The following PDE4D variants were observed in gnomAD, a reference collection of about 807,000 sequenced individuals.
PDE4D encodes 3',5'-cyclic-AMP phosphodiesterase 4D.
In PDE4D, 24 loss-of-function variants were observed where a neutral mutation model predicts 87.4. The ratio of observed to expected loss-of-function variants is 0.27; its 90% confidence interval spans 0.20 to 0.39. The LOEUF (loss-of-function observed/expected upper bound fraction) is 0.39. Among genes scored for constraint, PDE4D ranks in the 10% least tolerant of loss-of-function variants. The pLI, the probability that PDE4D is intolerant of heterozygous loss-of-function variation, is 1.00. For missense variants in PDE4D, 714 were observed against 1,041.0 expected (o/e 0.69, Z 4.32); for synonymous variants, 384 against 383.2 (o/e 1.00, Z -0.02).
At chr5:59,605,433 GTTC>G (rs375882900) in intron 1 of PDE4D, among the ~76,000 whole-genome samples, 239 of 152,092 alleles carry the variant, frequency 1.6e-3, no homozygotes, top group African/African-American at 5.1e-3. Flanking sequence ...ACACAATTTT[GTTC>G]TTAAGTCTCT....
At chr5:59,156,249 G>A (rs1377641400) in intron 5 of PDE4D, among the ~76,000 whole-genome samples, 2 of 149,452 alleles carry the variant, frequency 1.3e-5, no homozygotes, top group Non-Finnish European at 3.0e-5. Flanking sequence ...CAGAGGGAGA[G>A]GTTAGGAGAA....
chr5:59,817,539 A>T (rs573086370), intron 1 of PDE4D, among the ~76,000 whole-genome samples: 1 of 152,212 alleles, frequency 6.6e-6, no homozygotes, highest in South Asian at 2.1e-4. Flanking sequence ...GTTCCCATCA[A>T]TTCATATATT....
chr5:60,364,131 T>C (rs1054012637), intron 1 of PDE4D, among the ~76,000 whole-genome samples: 2 of 152,208 alleles, frequency 1.3e-5, no homozygotes, highest in Admixed American at 6.5e-5. Flanking sequence ...CTACCAGGAA[T>C]TCACCCAGGC....
chr5:60,317,790 G>T (rs1755780606), intron 1 of PDE4D, among the ~76,000 whole-genome samples: 1 of 152,204 alleles, frequency 6.6e-6, no homozygotes, highest in South Asian at 2.1e-4. Context: ...CCATGTAGTT[G>T]TGCAGTTTTG....
intron 1 of PDE4D, among the ~76,000 whole-genome samples, chr5:59,704,815 T>C (rs559348098): frequency 6.6e-6 from 1 of 152,228 alleles, no homozygotes; most frequent in South Asian, 2.1e-4. Flanking sequence ...AATGTAGACA[T>C]AAAAGTATCA....
At chr5:59,107,120 T>C (rs1164241206) in intron 5 of PDE4D, among the ~76,000 whole-genome samples, 3 of 152,194 alleles carry the variant, frequency 2.0e-5, no homozygotes, top group East Asian at 1.9e-4. Flanking sequence ...TGTGTGTGTG[T>C]GCTTGTGTGT....
intron 1 of PDE4D, among the ~76,000 whole-genome samples, chr5:59,324,977 C>A (rs1322254895): frequency 6.6e-6 from 1 of 152,122 alleles, no homozygotes; most frequent in Non-Finnish European, 1.5e-5. Flanking sequence ...AATGTGGCAT[C>A]ATATAGAGAA....
chr5:59,502,908 CTT>C (rs60143243), intron 1 of PDE4D, among the ~76,000 whole-genome samples: 30,660 of 130,946 alleles, frequency 0.23, 4,617 homozygotes, highest in African/African-American at 0.46. Flanking sequence ...GATTAGAAGG[CTT>C]TTTTTTTTTT....
intron 2 of PDE4D, among the ~76,000 whole-genome samples, chr5:60,086,653 T>A (rs1009036908): frequency 6.6e-6 from 1 of 152,214 alleles, no homozygotes; most frequent in African/African-American, 2.4e-5. Context: ...TTGCAATAAT[T>A]CCATCTGCTG....
At chr5:60,167,358 C>G (rs1783019035) in intron 2 of PDE4D, among the ~76,000 whole-genome samples, 1 of 150,196 alleles carries the variant, frequency 6.7e-6, no homozygotes. Context: ...GGCTCCGCCC[C>G]CTGGGGTTCA....
chr5:59,960,616 A>G (rs569897027), intron 3 of PDE4D, among the ~76,000 whole-genome samples: 15 of 152,314 alleles, frequency 9.8e-5, no homozygotes, highest in African/African-American at 3.4e-4. Flanking sequence ...ACAGCAAACC[A>G]AATGTTGCAT....
chr5:58,976,876 G>GA (rs1361405150), intron 12 of PDE4D, among the ~76,000 whole-genome samples: 1 of 152,124 alleles, frequency 6.6e-6, no homozygotes, highest in Non-Finnish European at 1.5e-5. Flanking sequence ...AAAAGGTGGG[G>GA]AAAAAATCCA....
intron 1 of PDE4D, among the ~76,000 whole-genome samples, chr5:59,237,732 G>C (rs1756753850): frequency 6.6e-6 from 1 of 150,818 alleles, no homozygotes; most frequent in Non-Finnish European, 1.5e-5. Flanking sequence ...ATCTGTCTGA[G>C]CTTCCCTTTC....
At chr5:59,749,352 C>T (rs958315606) in intron 1 of PDE4D, among the ~76,000 whole-genome samples, 1 of 152,136 alleles carries the variant, frequency 6.6e-6, no homozygotes, top group Non-Finnish European at 1.5e-5. Context: ...CCTCTGCCTC[C>T]TGGGTTCAAG....
chr5:59,601,615 A>G (rs1193955153), intron 1 of PDE4D, among the ~76,000 whole-genome samples: 1 of 152,050 alleles, frequency 6.6e-6, no homozygotes, highest in Non-Finnish European at 1.5e-5. Flanking sequence ...GTTCCAGCTC[A>G]CTGAAATAGG....
Position 60,386,575 on chromosome 5 carries a change from C to G in PDE4D, c.-90+101367G>C, listed in dbSNP as rs556273850. 1.2e-4 allele frequency among the ~76,000 whole-genome samples: 18 copies of G among 152,314 alleles called. No individual in the cohort carries two copies. In the South Asian group the frequency reaches 3.5e-3, roughly 30 times the overall value. On this transcript the variant is annotated intron_variant, in intron 1 of 16. Transcript: ENST00000502484. ...CCGTTCCTCTGCAGGGGGGTTCTGC[C>G]AGCTCCAGCACTGATGGGCAGAAAG...
intron 1 of PDE4D, among the ~76,000 whole-genome samples, chr5:59,305,362 A>AT (rs1316720249): frequency 6.8e-4 from 84 of 122,802 alleles, no homozygotes; most frequent in Admixed American, 5.2e-3. Flanking sequence ...TCATTTATTT[A>AT]TTTATTTTTT....
intron 1 of PDE4D, among the ~76,000 whole-genome samples, chr5:59,812,777 CT>C (rs1380898975): frequency 1.3e-5 from 2 of 152,152 alleles, no homozygotes; most frequent in Non-Finnish European, 2.9e-5. Flanking sequence ...GCAATGTTAT[CT>C]CTTATCTTCA....
At chr5:60,454,972 G>C (rs1746361227) in intron 1 of PDE4D, among the ~76,000 whole-genome samples, 1 of 152,000 alleles carries the variant, frequency 6.6e-6, no homozygotes, top group African/African-American at 2.4e-5. Context: ...CAAAAACCCA[G>C]AGACAAGGCA....
Sources: gnomAD v4.1 joint callset for allele counts (sites outside exome capture counted in the v4.1 genomes callset) on GRCh38, gnomAD v4.1.1 for gene constraint, MANE v1.5 for transcripts, NCBI Gene and HGNC (gene_info 2026-07-23, HGNC 2026-07-21) for gene names.